Variants in PRKAA2 observed in about 807,000 individuals in gnomAD.
PRKAA2 encodes the protein protein kinase AMP-activated catalytic subunit alpha 2.
Under a neutral mutation model 56.3 loss-of-function variants are expected in PRKAA2, and 40 were observed. The observed-to-expected ratio is 0.71, with a 90% CI of 0.55 to 0.92. The LOEUF is 0.92. Ranked by LOEUF, PRKAA2 falls within the 40% of genes least tolerant of loss-of-function variation. PRKAA2 has a pLI of 0.00. For missense variants in PRKAA2, 542 were observed against 686.9 expected (o/e 0.79, Z 2.36); for synonymous variants, 214 against 234.2 (o/e 0.91, Z 0.79).
Position 56,691,388 on chromosome 1 carries a change from A to G in PRKAA2, c.237-6A>G. On this transcript the variant is annotated splice_region_variant and splice_polypyrimidine_tract_variant and intron_variant, in intron 2 of 8. Transcript: ENST00000371244. ...CTTTGTTAACTTTTTTTAATTAACA[A>G]AAAAGATACCAGGTGATCAGCACTC... The G allele has an allele frequency of 1.2e-6, 2 of 1,605,912 alleles. No homozygotes were observed. The highest frequency in any genetic ancestry group is 1.7e-6 in the Non-Finnish European group (2 of 1,174,408).
rs945815301 is a variant in PRKAA2 at position 56,711,854 on chromosome 1, T to G, written c.*4141T>G. On this transcript the variant is annotated 3_prime_UTR_variant, in exon 9 of 9. Transcript: ENST00000371244. ...GTGTTAGTGTTCACTTTTTATATAT[T>G]TAGAGTTTTTATATGAGTGTGAATG... 6.6e-6 allele frequency: 1 copy of G among 152,150 alleles called. No individual in the cohort carries two copies. Among genetic ancestry groups the G allele is most frequent in the African/African-American group, 2.4e-5 (1 of 41,438 alleles). The allele number at this position is 152,150 out of a possible 1,614,324, so 9.4% of individuals were successfully genotyped here. A position where few individuals can be genotyped will look rare whatever the true frequency, so the allele number is the denominator to read the frequency against.
intron 1 of PRKAA2, among the ~76,000 whole-genome samples, chr1:56,656,798 C>T (rs1433269551): frequency 6.6e-6 from 1 of 152,130 alleles, no homozygotes; most frequent in Non-Finnish European, 1.5e-5. Context: ...GTTATGCCAT[C>T]CTGACGTTCT....
intron 1 of PRKAA2, among the ~76,000 whole-genome samples, chr1:56,651,923 G>T (rs1643901951): frequency 6.6e-6 from 1 of 150,642 alleles, no homozygotes; most frequent in South Asian, 2.1e-4. Flanking sequence ...CTCACTGCAA[G>T]CTCCGCCTCC....
chr1:56,707,256 A>G (rs532746818), intron 8 of PRKAA2, among the ~76,000 whole-genome samples: 31 of 152,292 alleles, frequency 2.0e-4, no homozygotes, highest in African/African-American at 6.5e-4. Flanking sequence ...CTTAGGGGCC[A>G]CATTTTGACT....
intron 2 of PRKAA2, among the ~76,000 whole-genome samples, chr1:56,684,776 A>G (rs1180759375): frequency 6.6e-6 from 1 of 152,174 alleles, no homozygotes; most frequent in African/African-American, 2.4e-5. Flanking sequence ...AAGAGGGAAT[A>G]TGAGATAAAA....
intron 1 of PRKAA2, among the ~76,000 whole-genome samples, chr1:56,662,497 C>T (rs190185275): frequency 1.0e-3 from 152 of 152,148 alleles, no homozygotes; most frequent in Admixed American, 1.7e-3. Flanking sequence ...TGCCTAGGCT[C>T]GTCTCAAACT....
intron 6 of PRKAA2, among the ~76,000 whole-genome samples, chr1:56,702,417 C>T (rs1644303217): frequency 6.6e-6 from 1 of 152,218 alleles, no homozygotes; most frequent in Non-Finnish European, 1.5e-5. Flanking sequence ...TTCTATACCA[C>T]AAACAAAATG....
In PRKAA2 at chr1:56,708,170, G is replaced by T. The variant is rs1399859955; in HGVS notation, c.*457G>T. 6.3e-6 allele frequency: 1 copy of T among 159,920 alleles called. No individual in the cohort carries two copies. The highest frequency in any genetic ancestry group is 1.8e-4 in the East Asian group (1 of 5,452). The allele number at this position is 159,920 out of a possible 1,614,324, so 9.9% of individuals were successfully genotyped here. ...AACAAAAGAAGATTAAAAAGTAAAA[G>T]AACCACGAGTAAGATATTATTTAAA... On this transcript the variant is annotated 3_prime_UTR_variant, in exon 9 of 9. Transcript: ENST00000371244.
chr1:56,688,081 A>C (rs1644204569), intron 2 of PRKAA2, among the ~76,000 whole-genome samples: 1 of 152,228 alleles, frequency 6.6e-6, no homozygotes, highest in African/African-American at 2.4e-5. Flanking sequence ...TTTAGACAGC[A>C]CAAGAGATTT....
intron 7 of PRKAA2, 63 bp from the exon 8 acceptor site, chr1:56,706,029 C>CT (rs1424501965): frequency 1.1e-5 from 16 of 1,439,120 alleles, no homozygotes; most frequent in Middle Eastern, 2.1e-4. Context: ...TTTGTTTTGA[C>CT]TTTTTTTGCA....
chr1:56,665,568 G>C (rs980901158), intron 1 of PRKAA2, among the ~76,000 whole-genome samples: 1 of 152,128 alleles, frequency 6.6e-6, no homozygotes, highest in Non-Finnish European at 1.5e-5. Flanking sequence ...GAGTCATAGA[G>C]TATATACATG....
chr1:56,687,530 C>A (rs942785989), intron 2 of PRKAA2, among the ~76,000 whole-genome samples: 2 of 151,874 alleles, frequency 1.3e-5, no homozygotes, highest in Non-Finnish European at 2.9e-5. Flanking sequence ...AAGGCGGATC[C>A]CTATATTAAT....
At chr1:56,697,672 A>G (rs1644267617) in intron 6 of PRKAA2, among the ~76,000 whole-genome samples, 1 of 152,150 alleles carries the variant, frequency 6.6e-6, no homozygotes, top group African/African-American at 2.4e-5. Flanking sequence ...TACATTTAGA[A>G]TAGTAATAGG....
intron 2 of PRKAA2, among the ~76,000 whole-genome samples, chr1:56,674,900 T>C (rs1300972383): frequency 6.6e-6 from 1 of 152,094 alleles, no homozygotes; most frequent in African/African-American, 2.4e-5. Context: ...TTTTATCTAG[T>C]CAATTTTCAC....
intron 2 of PRKAA2, among the ~76,000 whole-genome samples, chr1:56,675,882 A>G (rs918381546): frequency 6.6e-6 from 1 of 152,200 alleles, no homozygotes; most frequent in Non-Finnish European, 1.5e-5. Context: ...GTAGGAGGAG[A>G]TCAAATACTA....
chr1:56,662,693 C>T (rs960049479), intron 1 of PRKAA2, among the ~76,000 whole-genome samples: 2 of 152,104 alleles, frequency 1.3e-5, no homozygotes, highest in Non-Finnish European at 2.9e-5. Context: ...CAGAGTTTAA[C>T]CATGTCAGTG....
chr1:56,698,223 T>G (rs1644272071), intron 6 of PRKAA2, among the ~76,000 whole-genome samples: 1 of 152,018 alleles, frequency 6.6e-6, no homozygotes, highest in African/African-American at 2.4e-5. Context: ...GGCCAATGTT[T>G]GGGAATTCTT....
At chr1:56,664,891 CATAT>C (rs1553147712) in intron 1 of PRKAA2, among the ~76,000 whole-genome samples, 178 of 114,172 alleles carry the variant, frequency 1.6e-3, no homozygotes, top group Middle Eastern at 4.8e-3. Context: ...CACACACACA[CATAT>C]ATACATACAT....
chr1:56,688,041 A>G (rs1644204238), intron 2 of PRKAA2, among the ~76,000 whole-genome samples: 1 of 152,290 alleles, frequency 6.6e-6, no homozygotes, highest in Admixed American at 6.5e-5. Flanking sequence ...TCATGATTGA[A>G]TTTCTTGTAA....
Sources: gnomAD v4.1 joint callset for allele counts (sites outside exome capture counted in the v4.1 genomes callset) on GRCh38, gnomAD v4.1.1 for gene constraint, MANE v1.5 for transcripts, NCBI Gene and HGNC (gene_info 2026-07-23, HGNC 2026-07-21) for gene names.